SP4: variants seen among roughly 807,000 people sequenced by gnomAD.
SP4 encodes transcription factor Sp4.
In SP4, 19 loss-of-function variants were observed where a neutral mutation model predicts 72.8. The ratio of observed to expected loss-of-function variants is 0.26; its 90% confidence interval spans 0.18 to 0.38. The LOEUF is 0.38. Among genes scored for constraint, SP4 ranks in the 10% least tolerant of loss-of-function variants. SP4 has a pLI of 1.00. For missense variants in SP4, 1,008 were observed against 926.3 expected (o/e 1.09, Z -1.14); for synonymous variants, 395 against 333.1 (o/e 1.19, Z -2.02).
chr7:21,462,641 G>A (rs1020110777), intron 3 of SP4, among the ~76,000 whole-genome samples: 2 of 152,214 alleles, frequency 1.3e-5, no homozygotes, highest in African/African-American at 2.4e-5. Flanking sequence ...GCATGGAGAT[G>A]GTGTAGAAAT....
intron 3 of SP4, among the ~76,000 whole-genome samples, chr7:21,475,734 T>G (rs1784481025): frequency 6.6e-6 from 1 of 152,208 alleles, no homozygotes; most frequent in Non-Finnish European, 1.5e-5. Context: ...AGTGACATAT[T>G]TTATTCTTGT....
intron 3 of SP4, among the ~76,000 whole-genome samples, chr7:21,472,260 G>A (rs539169380): frequency 1.4e-5 from 2 of 144,236 alleles, no homozygotes; most frequent in South Asian, 4.3e-4. Flanking sequence ...AGAGTAGAGG[G>A]TGTATTTTGT....
chr7:21,478,726 C>T (rs1292147866), intron 4 of SP4, among the ~76,000 whole-genome samples: 5 of 152,050 alleles, frequency 3.3e-5, no homozygotes, highest in Non-Finnish European at 7.4e-5. Flanking sequence ...ATGGAATTGT[C>T]TCTTTATATA....
At position 21,429,866 on chromosome 7, in the gene SP4, G is replaced by C; in HGVS notation, c.701G>C (p.Arg234Thr). Reference protein sequence around the residue: ...LANQTVPVQIRPGVSIPLQLQ... With the variant: ...LANQTVPVQITPGVSIPLQLQ... ...AATCAGACAGTTCCGGTCCAAATTA[G>C]ACCTGGTGTTTCAATACCACTGCAG... Residue 234 changes from arginine (R) to threonine (T), a missense_variant, in exon 3 of 6, where the codon AGA becomes ACA. Transcript: ENST00000222584. 6.2e-7 allele frequency: 1 copy of C among 1,614,136 alleles called. No individual in the cohort carries two copies. Among genetic ancestry groups the C allele is most frequent in the Non-Finnish European group, 8.5e-7 (1 of 1,180,004 alleles).
chr7:21,439,842 A>G (rs1783182037), intron 3 of SP4, among the ~76,000 whole-genome samples: 2 of 152,216 alleles, frequency 1.3e-5, no homozygotes, highest in Non-Finnish European at 2.9e-5. Flanking sequence ...GTTTAAGGTT[A>G]TAGTAAGCTA....
chr7:21,444,692 T>C (rs1583388032), intron 3 of SP4, among the ~76,000 whole-genome samples: 1 of 152,304 alleles, frequency 6.6e-6, no homozygotes, highest in East Asian at 1.9e-4. Flanking sequence ...TTTTTCACAA[T>C]CCTATGAAGA....
At chr7:21,479,989 TG>T (rs1248719542) in intron 4 of SP4, among the ~76,000 whole-genome samples, 12 of 13,232 alleles carry the variant, frequency 9.1e-4, no homozygotes, top group East Asian at 0.017. Context: ...ACAGTTTTTT[TG>T]TTTGTTTGTT....
intron 5 of SP4, among the ~76,000 whole-genome samples, chr7:21,505,878 T>C (rs1781984242): frequency 6.6e-6 from 1 of 152,206 alleles, no homozygotes; most frequent in Non-Finnish European, 1.5e-5. Flanking sequence ...AATGGGATAT[T>C]GTTCTCTGCA....
At chr7:21,494,837 A>C (rs547048850) in intron 5 of SP4, among the ~76,000 whole-genome samples, 1 of 152,304 alleles carries the variant, frequency 6.6e-6, no homozygotes, top group South Asian at 2.1e-4. Context: ...AAAATAACAT[A>C]ATTGGCTGAT....
chr7:21,506,171 C>T (rs1009250177), intron 5 of SP4, among the ~76,000 whole-genome samples: 1 of 152,048 alleles, frequency 6.6e-6, no homozygotes, highest in Non-Finnish European at 1.5e-5. Context: ...ACCTGAAATC[C>T]CTCCCCTTTT....
At position 21,429,768 on chromosome 7, in the gene SP4, A is replaced by G; in HGVS notation, c.603A>G (p.Ala201=). The change falls in exon 3 of 6, where the codon GCA becomes GCG. Residue 201 remains alanine, a synonymous_variant. Coordinates refer to ENST00000222584, the MANE Select transcript of SP4 (RefSeq NM_003112.5). ...DLQGQIQLIS[A]GNNQAILTAA... is the part of the protein sequence containing the mutation. Reference sequence around the variant, plus strand: ...AGGGTCAAATTCAGCTCATTTCTGCAGGTAATAATCAAGCTATACTCACAG... The same window carrying G: ...AGGGTCAAATTCAGCTCATTTCTGCGGGTAATAATCAAGCTATACTCACAG... The G allele has an allele frequency of 1.2e-6, 2 of 1,614,164 alleles. No homozygotes were observed. The highest frequency in any genetic ancestry group is 2.2e-5 in the East Asian group (1 of 44,884).
At chr7:21,476,273 CAAAAAAAAA>C (rs753166936) in intron 3 of SP4, among the ~76,000 whole-genome samples, 46 of 49,650 alleles carry the variant, frequency 9.3e-4, no homozygotes, top group Non-Finnish European at 1.4e-3. Context: ...GACTCCATCT[CAAAAAAAAA>C]AAAAAAAAAA....
At chr7:21,437,128 A>T (rs989542525) in intron 3 of SP4, among the ~76,000 whole-genome samples, 2 of 152,206 alleles carry the variant, frequency 1.3e-5, no homozygotes, top group African/African-American at 2.4e-5. Context: ...AAGATTTGGC[A>T]TGAATAACAC....
intron 4 of SP4, among the ~76,000 whole-genome samples, chr7:21,477,567 C>T (rs1292865211): frequency 1.4e-5 from 2 of 140,468 alleles, no homozygotes; most frequent in Admixed American, 1.5e-4. Flanking sequence ...GATGGAGTGT[C>T]ACTCTGCTGC....
In SP4 at chr7:21,494,873, C is replaced by T. The variant is rs190929921; in HGVS notation, c.2107+12750C>T. 1.4e-4 allele frequency among the ~76,000 whole-genome samples: 21 copies of T among 152,208 alleles called. No individual in the cohort carries two copies. The East Asian group carries it at 3.7e-3, about 27-fold the overall frequency. ...TTACACTGCATAATTTTAGGTGTTC[C>T]TGTAAAGCTACACTAATCAACACTG... is the stretch of plus-strand genomic sequence containing the variant. On this transcript the variant is annotated intron_variant, in intron 5 of 5. Transcript: ENST00000222584.
intron 3 of SP4, among the ~76,000 whole-genome samples, chr7:21,439,697 C>G (rs1783174609): frequency 6.6e-6 from 1 of 151,994 alleles, no homozygotes; most frequent in Non-Finnish European, 1.5e-5. Flanking sequence ...TGAGACCAGC[C>G]TGGGCAACAT....
At chr7:21,506,105 G>A (rs940645920) in intron 5 of SP4, among the ~76,000 whole-genome samples, 2 of 152,178 alleles carry the variant, frequency 1.3e-5, no homozygotes, top group African/African-American at 4.8e-5. Flanking sequence ...TCAGGAACAA[G>A]TGACGCCTCA....
intron 3 of SP4, among the ~76,000 whole-genome samples, chr7:21,435,635 G>A (rs1028849892): frequency 7.9e-5 from 12 of 152,090 alleles, no homozygotes; most frequent in African/African-American, 2.9e-4. Context: ...TCTTTTTTCA[G>A]AGGAGTCAGA....
At chr7:21,468,236 A>G (rs745946453) in intron 3 of SP4, among the ~76,000 whole-genome samples, 2 of 152,072 alleles carry the variant, frequency 1.3e-5, no homozygotes, top group African/African-American at 2.4e-5. Flanking sequence ...TTATTCTACT[A>G]TTCTGCTTTT....
Sources: allele counts gnomAD v4.1 joint callset (sites outside exome capture counted in the v4.1 genomes callset), GRCh38; gene constraint gnomAD v4.1.1; transcripts MANE v1.5; gene names NCBI Gene and HGNC (gene_info 2026-07-23, HGNC 2026-07-21).